The following TSNARE1 variants were observed in gnomAD, a reference collection of about 807,000 sequenced individuals.
TSNARE1 encodes t-SNARE domain-containing protein 1.
A neutral mutation model predicts 62.0 loss-of-function variants in TSNARE1; 49 were observed. The ratio of observed to expected loss-of-function variants is 0.79; its 90% CI spans 0.63 to 1.00. The LOEUF is 1.00. Among genes scored for constraint, TSNARE1 ranks in the 50% least tolerant of loss-of-function variants. The pLI is 0.00. For missense variants in TSNARE1, 755 were observed against 700.1 expected, an observed-to-expected ratio of 1.08 and a Z score of -0.88; for synonymous variants, 328 against 294.4, an observed-to-expected ratio of 1.11 and a Z score of -1.17.
chr8:142,329,588 T>G (rs1830722896), intron 6 of TSNARE1, among the ~76,000 whole-genome samples: 1 of 152,188 alleles, frequency 6.6e-6, no homozygotes, highest in Non-Finnish European at 1.5e-5. Flanking sequence ...ACAAGTTATC[T>G]GCATCAACAG....
At chr8:142,296,149 TG>T (rs1173051430) in intron 10 of TSNARE1, among the ~76,000 whole-genome samples, 1 of 14,708 alleles carries the variant, frequency 6.8e-5, no homozygotes, top group African/African-American at 3.4e-4. Flanking sequence ...GTCACTGTCA[TG>T]GGGGGGTGGT....
At chr8:142,258,727 G>C (rs1818715329) in intron 12 of TSNARE1, among the ~76,000 whole-genome samples, 1 of 151,944 alleles carries the variant, frequency 6.6e-6, no homozygotes, top group South Asian at 2.1e-4. Flanking sequence ...TGCCATGTTG[G>C]GCCAGGCTGG....
At chr8:142,274,534 C>T (rs962385827) in intron 12 of TSNARE1, 6 of 985,310 alleles carry the variant, frequency 6.1e-6, no homozygotes, top group East Asian at 1.1e-4. Context: ...GAGAGGGCGG[C>T]GTGGTGCATA....
chr8:142,387,846 C>T (rs1021449618), intron 1 of TSNARE1, among the ~76,000 whole-genome samples: 1 of 152,148 alleles, frequency 6.6e-6, no homozygotes, highest in African/African-American at 2.4e-5. Flanking sequence ...CCAGGCAATT[C>T]AGTGCTATTA....
At chr8:142,244,057 G>A (rs1486010963) in intron 12 of TSNARE1, among the ~76,000 whole-genome samples, 1 of 152,178 alleles carries the variant, frequency 6.6e-6, no homozygotes, top group Non-Finnish European at 1.5e-5. Flanking sequence ...GTGGTGGCAG[G>A]CGCCTGTGGT....
intron 9 of TSNARE1, among the ~76,000 whole-genome samples, chr8:142,301,569 C>T (rs955842785): frequency 1.6e-4 from 25 of 152,172 alleles, no homozygotes; most frequent in African/African-American, 6.0e-4. Flanking sequence ...CCCATGCCAG[C>T]GGGCCTTCCT....
Position 142,314,985 on chromosome 8 carries a change from C to G in TSNARE1, c.1074+18G>C, listed in dbSNP as rs776678274. On this transcript the variant is annotated intron_variant, in intron 8 of 13. Coordinates refer to ENST00000524325, the MANE Select transcript of TSNARE1 (RefSeq NM_145003.5). ...CCACCTGGCCTGCAGACCCCCACTG[C>G]CCCCACCAGCACCTCACCTTCTGCA... is the stretch of plus-strand genomic sequence containing the variant. 1.2e-6 allele frequency: 2 copies of G among 1,613,360 alleles called. No homozygotes were observed. The highest frequency in any genetic ancestry group is 4.5e-5 in the East Asian group (2 of 44,874).
rs1443941709 is a variant in TSNARE1 at position 142,305,707 on chromosome 8, C to T, written c.1132-5063G>A. ...AAGGCCCAATTTGGGTCTTGAGCTC[C>T]GAGGCTGGGATTAGGGATTTGCTGG... On this transcript the variant is annotated intron_variant, in intron 9 of 13. Transcript: ENST00000524325. 7.2e-5 allele frequency among the ~76,000 whole-genome samples: 11 copies of T among 152,174 alleles called. No individual in the cohort carries two copies. In the South Asian group the frequency reaches 1.4e-3, roughly 20 times the overall value.
intron 13 of TSNARE1, among the ~76,000 whole-genome samples, chr8:142,219,439 A>G (rs181862079): frequency 0.012 from 1,806 of 152,252 alleles, 21 homozygotes; most frequent in South Asian, 0.055. Context: ...CCTTGCCCTC[A>G]GGGAGAGGCT....
chr8:142,216,303 G>A (rs955902349), intron 13 of TSNARE1, among the ~76,000 whole-genome samples: 3 of 152,172 alleles, frequency 2.0e-5, no homozygotes, highest in African/African-American at 7.2e-5. Flanking sequence ...ACAGATGGGC[G>A]GACGCTGGTG....
chr8:142,311,186 C>T lies in TSNARE1; in HGVS notation c.1131+3198G>A, dbSNP rs1441216391. ...TTTTTTTTTTTTTAATTATTTGAGA[C>T]GGAGTTTCGCTCTTGTTGCCCAGAC... On this transcript the variant is annotated intron_variant, in intron 9 of 13. Transcript: ENST00000524325. Among the ~76,000 whole-genome samples the T allele has an allele frequency of 5.3e-5, 8 of 149,592 alleles. No individual in the cohort carries two copies. The South Asian group carries it at 1.5e-3, about 28-fold the overall frequency.
intron 12 of TSNARE1, among the ~76,000 whole-genome samples, chr8:142,250,700 C>T (rs999248401): frequency 4.6e-5 from 7 of 152,316 alleles, no homozygotes; most frequent in Admixed American, 2.0e-4. Context: ...CGCTTGCAGA[C>T]GTGGGGAAGG....
intron 1 of TSNARE1, among the ~76,000 whole-genome samples, chr8:142,380,405 C>T (rs1391301232): frequency 6.6e-6 from 1 of 152,174 alleles, no homozygotes; most frequent in Non-Finnish European, 1.5e-5. Context: ...TCTGTGGGCC[C>T]AGGACAGGCT....
intron 2 of TSNARE1, among the ~76,000 whole-genome samples, chr8:142,350,190 G>A (rs372521600): frequency 5.3e-4 from 71 of 133,184 alleles, no homozygotes; most frequent in African/African-American, 1.7e-3. Context: ...CTGGGACCTC[G>A]GCAGGCAGGG....
rs933308166 is a variant in TSNARE1, at chr8:142,318,851, CA to C, written c.894-218del. 3.3e-5 allele frequency among the ~76,000 whole-genome samples: 5 copies of C among 151,130 alleles called. No homozygotes were observed. In the East Asian group the frequency reaches 7.9e-4, roughly 24 times the overall value. ...GGAAAGGGTAGCAAACAGAAAGAGG[CA>C]AAGACTCAGAGAAAGAGAGAAGGGA... is the stretch of plus-strand genomic sequence containing the variant. On this transcript the variant is annotated intron_variant, in intron 6 of 13. Coordinates refer to ENST00000524325, the MANE Select transcript of TSNARE1 (RefSeq NM_145003.5).
chr8:142,403,181 G>A lies in TSNARE1; in HGVS notation c.-117C>T, dbSNP rs1838436017. On this transcript the variant is annotated 5_prime_UTR_variant, in exon 1 of 14. The change creates a new upstream start codon in the 5' untranslated region. Coordinates refer to ENST00000524325, the MANE Select transcript of TSNARE1 (RefSeq NM_145003.5). ...GGCGGGGCGGGCACCCAAACATCAC[G>A]TGACGGCCCCTCCCGCCGCCGGCGT... 1 of 149,532 alleles carries A rather than the reference G, an allele frequency of 6.7e-6. No homozygotes were observed. The highest frequency in any genetic ancestry group is 2.4e-5 in the African/African-American group (1 of 41,164). The allele number at this position is 149,532 out of a possible 1,614,324, so 9.3% of individuals were successfully genotyped here.
chr8:142,246,723 A>G (rs1423023188), intron 12 of TSNARE1, among the ~76,000 whole-genome samples: 1 of 152,168 alleles, frequency 6.6e-6, no homozygotes, highest in African/African-American at 2.4e-5. Flanking sequence ...TGAGATGCGC[A>G]GACACGGGAG....
intron 1 of TSNARE1, among the ~76,000 whole-genome samples, chr8:142,355,686 C>T (rs1834671384): frequency 6.6e-6 from 1 of 152,194 alleles, no homozygotes; most frequent in African/African-American, 2.4e-5. Flanking sequence ...AACCTGCTGG[C>T]CAGGCCACAC....
intron 6 of TSNARE1, among the ~76,000 whole-genome samples, chr8:142,324,934 G>C (rs983754647): frequency 1.6e-4 from 24 of 152,268 alleles, no homozygotes; most frequent in Non-Finnish European, 3.4e-4. Flanking sequence ...GCCTGTGGCT[G>C]GGCTGGTTTG....
Sources: allele counts gnomAD v4.1 joint callset (sites outside exome capture counted in the v4.1 genomes callset), GRCh38; gene constraint gnomAD v4.1.1; transcripts MANE v1.5; gene names NCBI Gene and HGNC (gene_info 2026-07-23, HGNC 2026-07-21).